Variants in TCF12 observed in about 807,000 individuals in gnomAD.
TCF12 encodes the protein transcription factor 12.
In TCF12, 45 loss-of-function variants were observed where a neutral mutation model predicts 86.0. That is an observed-to-expected ratio of 0.52 (90% confidence interval 0.41 to 0.67). TCF12 has a LOEUF of 0.67. Among genes scored for constraint, TCF12 ranks in the 30% least tolerant of loss-of-function variants. TCF12 has a pLI of 0.00. For synonymous variants in TCF12, 330 were observed against 299.6 expected, an observed-to-expected ratio of 1.10 and a Z score of -1.05; for missense variants, 881 against 859.9, an observed-to-expected ratio of 1.02 and a Z score of -0.31.
At position 57,110,372 on chromosome 15, in the gene TCF12, A is replaced by G. The variant is rs143556333; in HGVS notation, c.325+18481A>G. On this transcript the variant is annotated intron_variant, in intron 5 of 20. Transcript: ENST00000333725. ...CTAGCAGAATAGATTAGTGTCACAG[A>G]TAGTGTGAAACTGTGACACTGAATC... is the stretch of plus-strand genomic sequence containing the variant. Among the ~76,000 whole-genome samples the G allele has an allele frequency of 5.0e-3, 758 of 152,286 alleles. 8 individuals are homozygous for G. The highest frequency in any genetic ancestry group is 0.017 in the African/African-American group (721 of 41,556).
intron 3 of TCF12, among the ~76,000 whole-genome samples, chr15:56,994,896 A>G (rs576604036): frequency 2.0e-5 from 3 of 152,240 alleles, no homozygotes; most frequent in African/African-American, 7.2e-5. Flanking sequence ...AGAAATGGTA[A>G]ATATTTGGGT....
intron 7 of TCF12, among the ~76,000 whole-genome samples, chr15:57,194,628 T>A (rs1215890249): frequency 1.3e-5 from 2 of 152,242 alleles, no homozygotes; most frequent in African/African-American, 4.8e-5. Flanking sequence ...TAACAGTATC[T>A]AATTACCCAA....
intron 3 of TCF12, among the ~76,000 whole-genome samples, chr15:56,970,510 A>T (rs888652398): frequency 1.9e-4 from 28 of 148,728 alleles, no homozygotes; most frequent in Non-Finnish European, 4.2e-4. Context: ...AAACAAGATT[A>T]CTATCTTTGG....
intron 5 of TCF12, among the ~76,000 whole-genome samples, chr15:57,130,976 C>G (rs1480104073): frequency 2.0e-5 from 3 of 152,148 alleles, no homozygotes; most frequent in Non-Finnish European, 4.4e-5. Context: ...CACCTCCTCA[C>G]CTTTCTATAT....
At chr15:56,923,268 A>C (rs1449968318) in intron 3 of TCF12, among the ~76,000 whole-genome samples, 1 of 152,094 alleles carries the variant, frequency 6.6e-6, no homozygotes, top group Non-Finnish European at 1.5e-5. Context: ...TTTTTAGCTG[A>C]AAGAATATAT....
At chr15:57,243,159 T>A (rs570924584) in intron 12 of TCF12, among the ~76,000 whole-genome samples, 22 of 152,350 alleles carry the variant, frequency 1.4e-4, no homozygotes, top group African/African-American at 5.0e-4. Flanking sequence ...CTAGAAAGAT[T>A]GTCAGATTTG....
chr15:57,041,173 AAGAC>A (rs1482687320), intron 3 of TCF12, among the ~76,000 whole-genome samples: 7 of 152,212 alleles, frequency 4.6e-5, no homozygotes, highest in Non-Finnish European at 8.8e-5. Flanking sequence ...AGTACTTTGG[AAGAC>A]AGACAGAAAA....
chr15:57,059,823 A>T (rs925548458), intron 3 of TCF12, among the ~76,000 whole-genome samples: 1 of 139,548 alleles, frequency 7.2e-6, no homozygotes, highest in Non-Finnish European at 1.6e-5. Context: ...AAAAAAAAAA[A>T]TTCCAGTTTC....
intron 5 of TCF12, among the ~76,000 whole-genome samples, chr15:57,159,400 G>A (rs946948589): frequency 1.3e-5 from 2 of 152,154 alleles, no homozygotes; most frequent in Admixed American, 6.6e-5. Context: ...AATAGGATTT[G>A]CCCACAAAAG....
intron 3 of TCF12, among the ~76,000 whole-genome samples, chr15:56,930,476 G>C (rs2060198057): frequency 6.6e-6 from 1 of 152,126 alleles, no homozygotes; most frequent in African/African-American, 2.4e-5. Context: ...TGGTCCGGAG[G>C]CCCATTTACT....
intron 3 of TCF12, among the ~76,000 whole-genome samples, chr15:56,965,433 GT>G (rs1434966060): frequency 6.6e-6 from 1 of 152,140 alleles, no homozygotes; most frequent in Admixed American, 6.5e-5. Flanking sequence ...AACTTGGGAA[GT>G]TTTTGGTACT....
chr15:57,002,796 A>AGTAGTACAGCAAAC (rs1334374403), intron 3 of TCF12, among the ~76,000 whole-genome samples: 2 of 152,226 alleles, frequency 1.3e-5, no homozygotes, highest in African/African-American at 2.4e-5. Flanking sequence ...GGCGCTTCTC[A>AGTAGTACAGCAAAC]TGCTGTACTA....
At position 56,921,109 on chromosome 15, in the gene TCF12, G is replaced by T; in HGVS notation, c.148+11G>T. 6.3e-7 allele frequency: 1 copy of T among 1,590,316 alleles called. No individual in the cohort carries two copies. The highest frequency in any genetic ancestry group is 8.6e-7 in the Non-Finnish European group (1 of 1,167,662). ...AATTCAGTGGATCAGGTAAGATGAT[G>T]TCTTAAACTAAAGACTCATATTTTG... is the stretch of plus-strand genomic sequence containing the variant. On this transcript the variant is annotated intron_variant, in intron 3 of 20. Coordinates refer to ENST00000333725, the MANE Select transcript of TCF12 (RefSeq NM_207037.2).
intron 6 of TCF12, among the ~76,000 whole-genome samples, chr15:57,186,472 C>G (rs1240207993): frequency 6.6e-6 from 1 of 152,106 alleles, no homozygotes; most frequent in Non-Finnish European, 1.5e-5. Flanking sequence ...GCACTTCAGC[C>G]TGGGCAACAG....
chr15:57,004,880 A>T (rs72749502), intron 3 of TCF12, among the ~76,000 whole-genome samples: 7,967 of 152,292 alleles, frequency 0.052, 300 homozygotes, highest in South Asian at 0.13. Flanking sequence ...TTGTGAGTTT[A>T]CATTCAGTTC....
chr15:57,283,030 A>G (rs949627555), intron 20 of TCF12, among the ~76,000 whole-genome samples: 18 of 152,356 alleles, frequency 1.2e-4, no homozygotes, highest in Non-Finnish European at 2.4e-4. Flanking sequence ...GCCTTTATAC[A>G]TGAAAAAGTT....
At chr15:57,063,861 T>C (rs758140731) in intron 4 of TCF12, 38 bp downstream of exon 4, 1 of 1,480,878 alleles carries the variant, frequency 6.8e-7, no homozygotes, top group East Asian at 2.3e-5. Flanking sequence ...AAGCTGTAAT[T>C]TGGCAGACTA....
chr15:56,921,607 G>T (rs964600145), intron 3 of TCF12, among the ~76,000 whole-genome samples: 4 of 151,822 alleles, frequency 2.6e-5, no homozygotes, highest in Non-Finnish European at 5.9e-5. Context: ...CCATTCCAGT[G>T]TGCAAAAGCT....
chr15:57,120,441 G>T (rs866487911), intron 5 of TCF12, among the ~76,000 whole-genome samples: 1 of 152,140 alleles, frequency 6.6e-6, no homozygotes, highest in Non-Finnish European at 1.5e-5. Flanking sequence ...ATAATTGTTT[G>T]TTGAACTGCT....
Sources: gnomAD v4.1 joint callset for allele counts (sites outside exome capture counted in the v4.1 genomes callset) on GRCh38, gnomAD v4.1.1 for gene constraint, MANE v1.5 for transcripts, NCBI Gene and HGNC (gene_info 2026-07-23, HGNC 2026-07-21) for gene names.